ARHGAP31: variants seen among roughly 807,000 people sequenced by gnomAD.
The protein encoded by ARHGAP31 is rho GTPase-activating protein 31.
In ARHGAP31, 34 loss-of-function variants were observed where a neutral mutation model predicts 113.9. The ratio of observed to expected loss-of-function variants is 0.30; its 90% CI spans 0.23 to 0.40. The LOEUF (loss-of-function observed/expected upper bound fraction) is 0.40. Among genes scored for constraint, ARHGAP31 ranks in the 10% least tolerant of loss-of-function variants. The probability of loss-of-function intolerance (pLI) is 1.00; values close to 1 mark genes in which losing one functional copy is unlikely to be tolerated. For synonymous variants in ARHGAP31, 650 were observed against 684.8 expected, an observed-to-expected ratio of 0.95 and a Z score of 0.79; for missense variants, 1,548 against 1,767.1, an observed-to-expected ratio of 0.88 and a Z score of 2.22.
chr3:119,306,593 G>A (rs1429596520), intron 1 of ARHGAP31, among the ~76,000 whole-genome samples: 4 of 152,144 alleles, frequency 2.6e-5, no homozygotes, highest in Non-Finnish European at 5.9e-5. Flanking sequence ...TGCATAGGTT[G>A]TGTAATGTCT....
At position 119,416,513 on chromosome 3, in the gene ARHGAP31, G is replaced by A; in HGVS notation, c.*249G>A. 1 of 529,952 alleles carries A rather than the reference G, an allele frequency of 1.9e-6. No homozygotes were observed. Among genetic ancestry groups the A allele is most frequent in the Non-Finnish European group, 3.4e-6 (1 of 296,580 alleles). 32.8% of individuals were successfully genotyped at this position (529,952 alleles called of 1,614,324 possible). A position where few individuals can be genotyped will look rare whatever the true frequency, so the allele number is the denominator to read the frequency against. On this transcript the variant is annotated 3_prime_UTR_variant, in exon 12 of 12. Transcript: ENST00000264245. ...TGAGAGAAGGTTAGGTAAGGGGAGA[G>A]GATGGAATGCTTGCCTCCAATGAAC...
chr3:119,302,176 C>T (rs922600071), intron 1 of ARHGAP31, among the ~76,000 whole-genome samples: 9 of 152,354 alleles, frequency 5.9e-5, no homozygotes, highest in African/African-American at 2.2e-4. Context: ...ACCGATCTTG[C>T]TATTTCTCCC....
At chr3:119,372,995 C>T (rs1363877335) in intron 3 of ARHGAP31, among the ~76,000 whole-genome samples, 2 of 152,142 alleles carry the variant, frequency 1.3e-5, no homozygotes, top group Non-Finnish European at 2.9e-5. Context: ...GGAAAATTCG[C>T]TATCTATTGC....
intron 1 of ARHGAP31, among the ~76,000 whole-genome samples, chr3:119,301,545 C>T (rs540314400): frequency 2.6e-5 from 4 of 152,326 alleles, no homozygotes; most frequent in African/African-American, 9.6e-5. Context: ...GCCTGGGAAC[C>T]TTTTCTGTAG....
chr3:119,395,702 T>C (rs2080545257), intron 8 of ARHGAP31, among the ~76,000 whole-genome samples: 1 of 152,206 alleles, frequency 6.6e-6, no homozygotes, highest in Non-Finnish European at 1.5e-5. Context: ...TTGTGCTGAT[T>C]GGCTTCAGCC....
intron 3 of ARHGAP31, among the ~76,000 whole-genome samples, chr3:119,372,407 C>T (rs1026551790): frequency 1.3e-5 from 2 of 151,882 alleles, no homozygotes; most frequent in Non-Finnish European, 2.9e-5. Flanking sequence ...CCTCAGTCTC[C>T]TGAGTAGCTG....
intron 11 of ARHGAP31, among the ~76,000 whole-genome samples, chr3:119,412,242 G>A (rs1259956501): frequency 1.3e-5 from 2 of 152,050 alleles, no homozygotes; most frequent in East Asian, 1.9e-4. Flanking sequence ...TACAAAATTA[G>A]CCGGGTGTGG....
chr3:119,382,341 A>T lies in ARHGAP31; in HGVS notation c.481A>T (p.Ser161Cys), dbSNP rs768694008. 2.5e-6 allele frequency: 4 copies of T among 1,614,188 alleles called. No individual in the cohort carries two copies. The Middle Eastern group carries it at 4.9e-4, about 200-fold the overall frequency. The change falls in exon 5 of 12, where the codon AGC becomes TGC. Residue 161 changes from serine to cysteine, a missense_variant. By Grantham distance (112) the Ser-to-Cys change is moderately radical (BLOSUM62 -1). Coordinates refer to ENST00000264245, the MANE Select transcript of ARHGAP31 (RefSeq NM_020754.4). ...RHLAHIASFS[S>C]KTNMHARNLA... ...CCTGGCCCATATCGCCTCCTTCAGC[A>T]GCAAGACCAACATGCACGCCCGGAA...
chr3:119,310,121 T>C (rs1313863659), intron 1 of ARHGAP31, among the ~76,000 whole-genome samples: 1 of 152,138 alleles, frequency 6.6e-6, no homozygotes, highest in Non-Finnish European at 1.5e-5. Context: ...TAAATTATCC[T>C]CCCGTCAAGC....
chr3:119,372,280 CTTT>C (rs758369404), intron 3 of ARHGAP31, among the ~76,000 whole-genome samples: 9,313 of 128,784 alleles, frequency 0.072, 332 homozygotes, highest in Admixed American at 0.16. Flanking sequence ...TTATTTCTGA[CTTT>C]TTTTTTTTTT....
chr3:119,413,631 T>C (rs2080737908), intron 11 of ARHGAP31, among the ~76,000 whole-genome samples: 1 of 152,216 alleles, frequency 6.6e-6, no homozygotes, highest in Non-Finnish European at 1.5e-5. Flanking sequence ...ATTATAGTAG[T>C]GTTTATTTCC....
At chr3:119,297,509 T>A (rs964503612) in intron 1 of ARHGAP31, among the ~76,000 whole-genome samples, 2 of 70,262 alleles carry the variant, frequency 2.8e-5, no homozygotes, top group African/African-American at 3.5e-4. Context: ...TAGACCTGCA[T>A]TGAGAGGAAA....
intron 1 of ARHGAP31, among the ~76,000 whole-genome samples, chr3:119,301,608 T>G (rs2079585850): frequency 6.6e-6 from 1 of 151,806 alleles, no homozygotes. Flanking sequence ...AGTTGATTGA[T>G]CACTGCTTCA....
intron 1 of ARHGAP31, among the ~76,000 whole-genome samples, chr3:119,337,637 C>T (rs769301830): frequency 6.6e-6 from 1 of 152,068 alleles, no homozygotes; most frequent in Non-Finnish European, 1.5e-5. Context: ...CAGATTGGTC[C>T]GTTTTACAGA....
chr3:119,393,529 C>G lies in ARHGAP31; in HGVS notation c.944C>G (p.Ser315Ter). The G allele has an allele frequency of 6.2e-7, 1 of 1,614,088 alleles. No homozygotes were observed. Among genetic ancestry groups the G allele is most frequent in the Non-Finnish European group, 8.5e-7 (1 of 1,179,950 alleles). The change falls in exon 8 of 12, where the codon TCA becomes TGA. Residue 315 changes from serine (S) to a stop codon, truncating the protein, a stop_gained. Transcript: ENST00000264245. LOFTEE classifies it high-confidence loss of function. The part of the protein sequence containing the change: ...KSIFNLGRSG[S>*]DSKSKLSRNG... ...ATATTTAACCTGGGACGTTCTGGAT[C>G]AGACTCCAAATCAAAACTGAGTAGA... is the stretch of plus-strand genomic sequence containing the variant.
chr3:119,365,878 T>C (rs2080249200), intron 2 of ARHGAP31, among the ~76,000 whole-genome samples: 1 of 152,158 alleles, frequency 6.6e-6, no homozygotes, highest in African/African-American at 2.4e-5. Flanking sequence ...GCCTATATGA[T>C]TGTGCATGTC....
intron 1 of ARHGAP31, among the ~76,000 whole-genome samples, chr3:119,364,620 A>T (rs2080238236): frequency 6.6e-6 from 1 of 152,170 alleles, no homozygotes; most frequent in African/African-American, 2.4e-5. Context: ...TTCTGAGTTA[A>T]TAGGTTGGGA....
chr3:119,359,258 T>A (rs1382839304), intron 1 of ARHGAP31, among the ~76,000 whole-genome samples: 1 of 152,118 alleles, frequency 6.6e-6, no homozygotes, highest in East Asian at 1.9e-4. Context: ...CCTCAGGTGA[T>A]CCACCTGCCT....
chr3:119,411,608 C>T (rs868132656), intron 11 of ARHGAP31, among the ~76,000 whole-genome samples: 3 of 152,094 alleles, frequency 2.0e-5, no homozygotes, highest in Non-Finnish European at 4.4e-5. Context: ...TTAGTAATAT[C>T]CCAGTTAATG....
Sources: gnomAD v4.1 joint callset for allele counts (sites outside exome capture counted in the v4.1 genomes callset) on GRCh38, gnomAD v4.1.1 for gene constraint, MANE v1.5 for transcripts, NCBI Gene and HGNC (gene_info 2026-07-23, HGNC 2026-07-21) for gene names.